PDZD2: variants seen among roughly 807,000 people sequenced by gnomAD.
PDZD2 encodes PDZ domain-containing protein 2.
In PDZD2, 90 loss-of-function variants were observed where a neutral mutation model predicts 220.7. The observed-to-expected ratio is 0.41, with a 90% CI of 0.34 to 0.49. PDZD2 has a LOEUF of 0.49. Ranked by LOEUF, PDZD2 falls within the 20% of genes least tolerant of loss-of-function variation. PDZD2 has a pLI of 0.28. For synonymous variants in PDZD2, 1,375 were observed against 1,450.5 expected (o/e 0.95, Z 1.18); for missense variants, 3,174 against 3,608.5 (o/e 0.88, Z 3.08).
intron 6 of PDZD2, among the ~76,000 whole-genome samples, chr5:32,014,883 A>G (rs1395746579): frequency 1.5e-5 from 2 of 135,488 alleles, no homozygotes; most frequent in Non-Finnish European, 3.1e-5. Context: ...TAATTTTTGT[A>G]TTTTTAGTAG....
chr5:32,033,911 G>A (rs948858996), intron 6 of PDZD2, among the ~76,000 whole-genome samples: 6 of 152,128 alleles, frequency 3.9e-5, no homozygotes, highest in Non-Finnish European at 5.9e-5. Context: ...GAACCACCAC[G>A]TCTGGCTCAC....
chr5:32,035,979 T>A (rs981614183), intron 6 of PDZD2, among the ~76,000 whole-genome samples: 21 of 152,222 alleles, frequency 1.4e-4, no homozygotes, highest in Admixed American at 8.5e-4. Context: ...AGTCTCGCTC[T>A]GTCGCCCAGG....
intron 1 of PDZD2, among the ~76,000 whole-genome samples, chr5:31,673,643 T>C (rs1331437544): frequency 6.6e-6 from 1 of 152,146 alleles, no homozygotes; most frequent in Non-Finnish European, 1.5e-5. Flanking sequence ...GTCTCGAAGA[T>C]AGAGCCCTCA....
Position 32,052,745 on chromosome 5 carries a change from G to T in PDZD2, c.1785+15G>T, listed in dbSNP as rs768574024. On this transcript the variant is annotated intron_variant, in intron 9 of 24. Transcript: ENST00000438447. ...AAAAAGGCAAGGTGAGCTCTTTTCT[G>T]CAGACTGTTCTGCCTTCTGGGTGAA... The T allele has an allele frequency of 7.4e-6, 12 of 1,612,202 alleles. No homozygotes were observed. In the East Asian group the frequency reaches 1.6e-4, roughly 21 times the overall value.
chr5:32,025,591 C>CTTTTTTTTTTTTTTTTTTTTTTTTTT lies in PDZD2; in HGVS notation c.1408-11637_1408-11612dup, dbSNP rs70957998. Among the ~76,000 whole-genome samples the CTTTTTTTTTTTTTTTTTTTTTTTTTT allele has an allele frequency of 1.9e-4, 13 of 67,522 alleles. 2 individuals are homozygous for CTTTTTTTTTTTTTTTTTTTTTTTTTT. Among genetic ancestry groups the CTTTTTTTTTTTTTTTTTTTTTTTTTT allele is most frequent in the Non-Finnish European group, 2.6e-4 (10 of 39,108 alleles). The allele number at this position is 67,522 out of a possible 152,430, so 44.3% of individuals were successfully genotyped here. ...AGTGAGCCCAAATGTAACCATGATG[C>CTTTTTTTTTTTTTTTTTTTTTTTTTT]TTTTTTTTTTTTTTTTTTTTTTTTT... On this transcript the variant is annotated intron_variant, in intron 6 of 24. Coordinates refer to ENST00000438447, the MANE Select transcript of PDZD2 (RefSeq NM_178140.4).
At position 31,660,647 on chromosome 5, in the gene PDZD2, C is replaced by A. The variant is rs533892137; in HGVS notation, c.-361+21210C>A. Reference sequence around the variant, plus strand: ...ACAGCAGCATGGGGGTAACTGCTGCCATGATTAAATTACCTCCCACTGAGT... The same window carrying A: ...ACAGCAGCATGGGGGTAACTGCTGCAATGATTAAATTACCTCCCACTGAGT... On this transcript the variant is annotated intron_variant, in intron 1 of 24. Coordinates refer to ENST00000438447, the MANE Select transcript of PDZD2 (RefSeq NM_178140.4). 1.2e-4 allele frequency among the ~76,000 whole-genome samples: 18 copies of A among 152,230 alleles called. No homozygotes were observed. In the East Asian group the frequency reaches 1.5e-3, roughly 13 times the overall value.
At position 31,709,669 on chromosome 5, in the gene PDZD2, A is replaced by G. The variant is rs143979585; in HGVS notation, c.-361+70232A>G. 5.6e-4 allele frequency among the ~76,000 whole-genome samples: 85 copies of G among 152,114 alleles called. 4 individuals are homozygous for G. In the East Asian group the frequency reaches 0.012, roughly 22 times the overall value. On this transcript the variant is annotated intron_variant, in intron 1 of 24. Transcript: ENST00000438447. ...GTATCTTTTCCAAGGCCATTAAGTC[A>G]TGTCGGCTGGGTGCGATGGCCCACG...
At chr5:32,046,969 G>T (rs1027542694) in intron 7 of PDZD2, among the ~76,000 whole-genome samples, 1 of 152,082 alleles carries the variant, frequency 6.6e-6, no homozygotes, top group African/African-American at 2.4e-5. Context: ...CTTGAACCTG[G>T]GAGGTGGAGG....
intron 2 of PDZD2, among the ~76,000 whole-genome samples, chr5:31,819,406 C>T (rs1755674772): frequency 6.6e-6 from 1 of 152,064 alleles, no homozygotes; most frequent in Non-Finnish European, 1.5e-5. Context: ...CTTGTAATCC[C>T]AGCACTTTGT....
At chr5:31,891,344 T>A (rs1227142994) in intron 2 of PDZD2, among the ~76,000 whole-genome samples, 4 of 151,314 alleles carry the variant, frequency 2.6e-5, no homozygotes, top group Non-Finnish European at 5.9e-5. Context: ...GAGACAAAGT[T>A]TCATTCTTGT....
At chr5:31,767,221 G>A (rs1022372882) in intron 1 of PDZD2, among the ~76,000 whole-genome samples, 7 of 149,526 alleles carry the variant, frequency 4.7e-5, no homozygotes, top group African/African-American at 1.5e-4. Flanking sequence ...TCGTAGAGAC[G>A]GGGTTTCACC....
At chr5:31,857,622 A>G (rs900506233) in intron 2 of PDZD2, among the ~76,000 whole-genome samples, 2 of 152,110 alleles carry the variant, frequency 1.3e-5, no homozygotes, top group African/African-American at 4.8e-5. Context: ...CTTTGAATGG[A>G]TATCCCCTCC....
intron 2 of PDZD2, among the ~76,000 whole-genome samples, chr5:31,957,360 A>C (rs1747804325): frequency 6.6e-6 from 1 of 152,220 alleles, no homozygotes; most frequent in Admixed American, 6.5e-5. Context: ...ACAAGAGCCC[A>C]CACTCGGTCA....
At chr5:31,670,149 G>A (rs1746160338) in intron 1 of PDZD2, among the ~76,000 whole-genome samples, 1 of 152,084 alleles carries the variant, frequency 6.6e-6, no homozygotes, top group South Asian at 2.1e-4. Flanking sequence ...AGTTGTTCCT[G>A]TAGTTAGGAG....
rs79685684 is a variant in PDZD2 at position 31,888,771 on chromosome 5, C to G, written c.476+89047C>G. On this transcript the variant is annotated intron_variant, in intron 2 of 24. Transcript: ENST00000438447. ...AGTCCGTAAGCTTGACTGATTTTAA[C>G]TGCCTGTGAGTTGGAAATCTTTGAT... Among the ~76,000 whole-genome samples the G allele has an allele frequency of 8.3e-3, 1,259 of 152,298 alleles. 11 individuals carry two copies. Among genetic ancestry groups the G allele is most frequent in the African/African-American group, 0.028 (1,152 of 41,562 alleles).
chr5:32,097,210 G>A (rs1743802438), intron 21 of PDZD2, 69 bp from the exon 22 acceptor site: 1 of 971,570 alleles, frequency 1.0e-6, no homozygotes, highest in Middle Eastern at 2.8e-4. Context: ...TGGCCCAAGG[G>A]GATATGTTTT....
At position 32,091,081 on chromosome 5, in the gene PDZD2, G is replaced by A. The variant is rs140500220; in HGVS notation, c.7633G>A (p.Gly2545Ser). 6.2e-7 allele frequency: 1 copy of A among 1,611,464 alleles called. No individual in the cohort carries two copies. Among genetic ancestry groups the A allele is most frequent in the Non-Finnish European group, 8.5e-7 (1 of 1,177,870 alleles). Residue 2545 changes from glycine to serine, a missense_variant, in exon 20 of 25, where the codon GGC becomes AGC. Physicochemically the swap from Gly to Ser is moderately conservative, Grantham distance 56. This residue lies in a region of PDZD2 where 631 missense variants were observed against 789.9 expected (regional missense o/e 0.80). Transcript: ENST00000438447. ...GAACAGGGCCTGTCCAGGAGGAAGTGGCCCTAAAACCAGTGCTGCTGAGAC... is the reference window on the plus strand; with the variant it reads ...GAACAGGGCCTGTCCAGGAGGAAGTAGCCCTAAAACCAGTGCTGCTGAGAC... ...GGNRACPGGS[G>S]PKTSAAETPS...
intron 3 of PDZD2, among the ~76,000 whole-genome samples, chr5:31,992,864 G>GA (rs11442724): frequency 0.72 from 100,596 of 140,350 alleles, 36,518 homozygotes; most frequent in Middle Eastern, 0.83. Flanking sequence ...CTCTTCCATG[G>GA]AAAAAAAAAA....
chr5:31,673,378 G>A (rs1358799650), intron 1 of PDZD2, among the ~76,000 whole-genome samples: 1 of 152,212 alleles, frequency 6.6e-6, no homozygotes, highest in African/African-American at 2.4e-5. Flanking sequence ...GTTACTTTGG[G>A]ACAAGTCACC....
Sources: allele counts gnomAD v4.1 joint callset (sites outside exome capture counted in the v4.1 genomes callset), GRCh38; gene constraint gnomAD v4.1.1; regional missense constraint gnomAD v4.1.1; transcripts MANE v1.5; gene names NCBI Gene and HGNC (gene_info 2026-07-23, HGNC 2026-07-21).